The following ZFHX4 variants were observed in gnomAD, a reference collection of about 807,000 sequenced individuals.
ZFHX4 encodes zinc finger homeobox 4.
ZFHX4 carries 56 observed loss-of-function variants against 267.6 expected under a neutral mutation model. That is an observed-to-expected ratio of 0.21 (90% CI 0.17 to 0.26). The LOEUF (loss-of-function observed/expected upper bound fraction) is 0.26. Ranked by LOEUF, ZFHX4 falls within the 10% of genes least tolerant of loss-of-function variation. ZFHX4 has a pLI of 1.00. For synonymous variants in ZFHX4, 1,778 were observed against 1,665.6 expected, an observed-to-expected ratio of 1.07 and a Z score of -1.64; for missense variants, 4,332 against 4,420.0, an observed-to-expected ratio of 0.98 and a Z score of 0.56.
intron 3 of ZFHX4, among the ~76,000 whole-genome samples, chr8:76,776,540 A>G (rs1243686010): frequency 1.3e-5 from 2 of 152,156 alleles, no homozygotes; most frequent in Non-Finnish European, 2.9e-5. Flanking sequence ...TATCTTTTTA[A>G]GTGTCCATAC....
At chr8:76,686,854 T>C (rs1807704586) in intron 1 of ZFHX4, among the ~76,000 whole-genome samples, 1 of 152,132 alleles carries the variant, frequency 6.6e-6, no homozygotes, top group African/African-American at 2.4e-5. Context: ...TTGCTAGAAA[T>C]ATGAGAAGCC....
At chr8:76,780,436 G>C (rs1810518380) in intron 4 of ZFHX4, among the ~76,000 whole-genome samples, 1 of 152,158 alleles carries the variant, frequency 6.6e-6, no homozygotes, top group Admixed American at 6.6e-5. Context: ...AATGATATCA[G>C]TAGGGAAAAA....
chr8:76,824,256 T>C lies in ZFHX4; in HGVS notation c.3326-9082T>C, dbSNP rs961616177. Among the ~76,000 whole-genome samples, 11 of 152,198 alleles carry C rather than the reference T, an allele frequency of 7.2e-5. No individual in the cohort carries two copies. The South Asian group carries it at 8.3e-4, about 11-fold the overall frequency. ...CAAGAAAAATAAATGTTTTGTGTCTTAATGGTGTGTTCAGTAAGGCATATG... is the reference window on the plus strand; with the variant it reads ...CAAGAAAAATAAATGTTTTGTGTCTCAATGGTGTGTTCAGTAAGGCATATG... On this transcript the variant is annotated intron_variant, in intron 4 of 10. Coordinates refer to ENST00000651372, the MANE Select transcript of ZFHX4 (RefSeq NM_024721.5).
chr8:76,687,070 A>G (rs1328178426), intron 1 of ZFHX4, among the ~76,000 whole-genome samples: 2 of 152,210 alleles, frequency 1.3e-5, no homozygotes, highest in East Asian at 1.9e-4. Flanking sequence ...AACATATGCA[A>G]ATTGTCAACT....
intron 4 of ZFHX4, among the ~76,000 whole-genome samples, chr8:76,826,515 A>AC (rs1811789163): frequency 6.6e-6 from 1 of 152,204 alleles, no homozygotes; most frequent in Non-Finnish European, 1.5e-5. Flanking sequence ...CTATTTGAAA[A>AC]ACGTAGTAAC....
chr8:76,829,996 A>T (rs977684433), intron 4 of ZFHX4, among the ~76,000 whole-genome samples: 3 of 152,178 alleles, frequency 2.0e-5, no homozygotes, highest in Admixed American at 6.5e-5. Context: ...TTTGAAATCC[A>T]TAGGATTTCA....
At chr8:76,830,510 A>T (rs1043140317) in intron 4 of ZFHX4, among the ~76,000 whole-genome samples, 1 of 152,218 alleles carries the variant, frequency 6.6e-6, no homozygotes, top group Non-Finnish European at 1.5e-5. Flanking sequence ...TAGGTTTTAA[A>T]CATTTTCATT....
At chr8:76,702,510 A>G (rs1808130814) in intron 1 of ZFHX4, among the ~76,000 whole-genome samples, 1 of 152,170 alleles carries the variant, frequency 6.6e-6, no homozygotes, top group Admixed American at 6.5e-5. Flanking sequence ...TAAAATGCTT[A>G]GTAATATTAG....
intron 3 of ZFHX4, among the ~76,000 whole-genome samples, chr8:76,767,133 A>G (rs1017046607): frequency 3.9e-5 from 6 of 152,048 alleles, no homozygotes; most frequent in African/African-American, 1.4e-4. Context: ...CATACAAATT[A>G]GAATGGCCTA....
At chr8:76,754,461 G>C (rs1169949232) in intron 3 of ZFHX4, among the ~76,000 whole-genome samples, 1 of 151,566 alleles carries the variant, frequency 6.6e-6, no homozygotes, top group African/African-American at 2.4e-5. Context: ...TGCACTCCAG[G>C]CTGGGCAACA....
At chr8:76,838,701 G>C (rs1057112614) in intron 5 of ZFHX4, among the ~76,000 whole-genome samples, 2 of 152,108 alleles carry the variant, frequency 1.3e-5, no homozygotes, top group African/African-American at 4.8e-5. Context: ...GAAAAAGTAT[G>C]AAATGCTTTC....
At chr8:76,702,512 T>C (rs971347395) in intron 1 of ZFHX4, among the ~76,000 whole-genome samples, 3 of 152,192 alleles carry the variant, frequency 2.0e-5, no homozygotes, top group Non-Finnish European at 4.4e-5. Flanking sequence ...AAATGCTTAG[T>C]AATATTAGTG....
intron 10 of ZFHX4, among the ~76,000 whole-genome samples, chr8:76,862,786 C>A (rs1045135161): frequency 1.3e-5 from 2 of 152,076 alleles, no homozygotes; most frequent in Non-Finnish European, 2.9e-5. Flanking sequence ...CTATAGTTCA[C>A]GATGATGTTT....
chr8:76,718,419 T>A (rs1161655010), intron 3 of ZFHX4, among the ~76,000 whole-genome samples: 1 of 152,192 alleles, frequency 6.6e-6, no homozygotes, highest in Non-Finnish European at 1.5e-5. Context: ...GGTTTATTAT[T>A]TTTTAGTTTA....
intron 4 of ZFHX4, among the ~76,000 whole-genome samples, chr8:76,832,577 A>G (rs1009668358): frequency 1.3e-5 from 2 of 152,152 alleles, no homozygotes; most frequent in African/African-American, 4.8e-5. Context: ...AGACAGAGGG[A>G]ATAGAGAGCA....
chr8:76,750,389 A>G (rs1809582711), intron 3 of ZFHX4, among the ~76,000 whole-genome samples: 2 of 152,162 alleles, frequency 1.3e-5, no homozygotes, highest in South Asian at 4.1e-4. Flanking sequence ...TTGAGATGCT[A>G]AACTGTGCTC....
intron 3 of ZFHX4, among the ~76,000 whole-genome samples, chr8:76,769,938 G>C (rs11991082): frequency 6.6e-6 from 1 of 152,062 alleles, no homozygotes; most frequent in Non-Finnish European, 1.5e-5. Context: ...ACTAGGGTCA[G>C]AAACTGTGGG....
At chr8:76,731,457 A>T (rs910280714) in intron 3 of ZFHX4, among the ~76,000 whole-genome samples, 3 of 152,152 alleles carry the variant, frequency 2.0e-5, no homozygotes, top group African/African-American at 7.2e-5. Flanking sequence ...TATAGTTGAG[A>T]GTCAGTATAA....
intron 3 of ZFHX4, among the ~76,000 whole-genome samples, chr8:76,774,686 A>G (rs1056061453): frequency 3.9e-5 from 6 of 152,136 alleles, no homozygotes; most frequent in South Asian, 2.1e-4. Context: ...TTTTTAAAAA[A>G]GAATATAATT....
Sources: gnomAD v4.1 joint callset for allele counts (sites outside exome capture counted in the v4.1 genomes callset) on GRCh38, gnomAD v4.1.1 for gene constraint, MANE v1.5 for transcripts, NCBI Gene and HGNC (gene_info 2026-07-23, HGNC 2026-07-21) for gene names.